The following FAF1 variants were observed in gnomAD, a reference collection of about 807,000 sequenced individuals.
The protein encoded by FAF1 is Fas associated factor 1, also known as FAS-associated factor 1.
FAF1 carries 25 observed loss-of-function variants against 92.5 expected under a neutral mutation model. The ratio of observed to expected loss-of-function variants is 0.27; its 90% CI spans 0.20 to 0.38. The LOEUF (loss-of-function observed/expected upper bound fraction) is 0.38. Among genes scored for constraint, FAF1 ranks in the 10% least tolerant of loss-of-function variants. The pLI is 1.00. For synonymous variants in FAF1, 234 were observed against 273.2 expected (o/e 0.86, Z 1.42); for missense variants, 636 against 793.3 (o/e 0.80, Z 2.38).
At chr1:50,662,665 A>G (rs1290390157) in intron 7 of FAF1, among the ~76,000 whole-genome samples, 1 of 129,352 alleles carries the variant, frequency 7.7e-6, no homozygotes, top group Admixed American at 7.7e-5. Context: ...TCACACATTT[A>G]TTAAAATGAA....
intron 7 of FAF1, among the ~76,000 whole-genome samples, chr1:50,664,393 A>C (rs1655527269): frequency 6.6e-6 from 1 of 151,672 alleles, no homozygotes. Flanking sequence ...ACAATAAATG[A>C]CCTATTGGTC....
intron 2 of FAF1, among the ~76,000 whole-genome samples, chr1:50,819,543 C>T (rs747001484): frequency 4.0e-5 from 6 of 149,798 alleles, no homozygotes; most frequent in Non-Finnish European, 7.4e-5. Flanking sequence ...AGAAGGATCA[C>T]TTGAGCCCAG....
intron 2 of FAF1, among the ~76,000 whole-genome samples, chr1:50,805,418 G>C (rs188898120): frequency 1.3e-5 from 2 of 152,054 alleles, no homozygotes; most frequent in Non-Finnish European, 2.9e-5. Context: ...ACACTAAAAG[G>C]CATGTAAGGT....
chr1:50,729,051 T>C (rs1658797868), intron 6 of FAF1, among the ~76,000 whole-genome samples: 2 of 97,868 alleles, frequency 2.0e-5, no homozygotes. Flanking sequence ...TATATATATA[T>C]ATATATATTT....
intron 8 of FAF1, among the ~76,000 whole-genome samples, chr1:50,640,262 A>G (rs1262559344): frequency 6.6e-6 from 1 of 151,926 alleles, no homozygotes; most frequent in Non-Finnish European, 1.5e-5. Flanking sequence ...TTGGCAATGT[A>G]ATAAGCTGGT....
At chr1:50,736,739 G>A (rs1295814584) in intron 6 of FAF1, among the ~76,000 whole-genome samples, 1 of 150,694 alleles carries the variant, frequency 6.6e-6, no homozygotes, top group East Asian at 1.9e-4. Flanking sequence ...CAACAAGAGC[G>A]AAACTCCGTC....
At chr1:50,456,296 G>C (rs1002702963) in intron 18 of FAF1, among the ~76,000 whole-genome samples, 5 of 152,090 alleles carry the variant, frequency 3.3e-5, no homozygotes, top group African/African-American at 1.2e-4. Flanking sequence ...CAAAATGAGA[G>C]GCTGACAACT....
intron 15 of FAF1, among the ~76,000 whole-genome samples, chr1:50,501,178 A>G (rs1646979512): frequency 6.6e-6 from 1 of 152,228 alleles, no homozygotes; most frequent in African/African-American, 2.4e-5. Context: ...ACACATAAAG[A>G]ACTTTCAAAA....
chr1:50,626,715 A>G (rs956148855), intron 8 of FAF1, among the ~76,000 whole-genome samples: 2 of 152,128 alleles, frequency 1.3e-5, no homozygotes, highest in Non-Finnish European at 2.9e-5. Flanking sequence ...TATCTCTTTT[A>G]AAAAGTGTTA....
intron 18 of FAF1, among the ~76,000 whole-genome samples, chr1:50,451,253 T>C (rs187126683): frequency 2.0e-5 from 3 of 152,324 alleles, no homozygotes; most frequent in Non-Finnish European, 4.4e-5. Flanking sequence ...AAGAGAGGAA[T>C]AGAAATTGTG....
intron 15 of FAF1, among the ~76,000 whole-genome samples, chr1:50,507,477 G>A (rs189863526): frequency 2.0e-4 from 30 of 152,284 alleles, no homozygotes; most frequent in Non-Finnish European, 2.9e-5. Context: ...AGTGGCTCAT[G>A]CCTGTAATCC....
rs553856341 is a variant in FAF1, at chr1:50,438,864, A to G, written c.*2576T>C. The G allele has an allele frequency of 1.3e-5, 2 of 152,388 alleles. No homozygotes were observed. Among genetic ancestry groups the G allele is most frequent in the East Asian group, 3.9e-4 (2 of 5,194 alleles). 9.4% of individuals were successfully genotyped at this position (152,388 alleles called of 1,614,324 possible). A position where few individuals can be genotyped will look rare whatever the true frequency, so the allele number is the denominator to read the frequency against. On this transcript the variant is annotated 3_prime_UTR_variant, in exon 19 of 19. Transcript: ENST00000396153. ...CTTTGATTCTGGATGCTTACAATCC[A>G]GAGATGAACATCTGTGTGTGCTATA...
At chr1:50,508,904 A>G (rs1042517823) in intron 15 of FAF1, among the ~76,000 whole-genome samples, 12 of 152,102 alleles carry the variant, frequency 7.9e-5, no homozygotes, top group Admixed American at 4.6e-4. Context: ...GGGTTTCACC[A>G]TGTTGGCCAA....
intron 1 of FAF1, among the ~76,000 whole-genome samples, chr1:50,861,697 A>G (rs1210611403): frequency 1.3e-5 from 2 of 151,924 alleles, no homozygotes; most frequent in African/African-American, 4.8e-5. Context: ...TCCTAAGTCC[A>G]TAAAAATAAA....
intron 4 of FAF1, among the ~76,000 whole-genome samples, chr1:50,787,531 C>T (rs1661405736): frequency 6.6e-6 from 1 of 152,210 alleles, no homozygotes. Flanking sequence ...CCTCACCAGA[C>T]ATCAAACCTT....
At chr1:50,770,670 A>G (rs1660745057) in intron 4 of FAF1, among the ~76,000 whole-genome samples, 1 of 152,238 alleles carries the variant, frequency 6.6e-6, no homozygotes, top group Admixed American at 6.5e-5. Flanking sequence ...GAAAATGGCC[A>G]TACTGCCCAG....
intron 4 of FAF1, among the ~76,000 whole-genome samples, chr1:50,762,586 G>A (rs1181282186): frequency 6.6e-6 from 1 of 152,146 alleles, no homozygotes; most frequent in African/African-American, 2.4e-5. Context: ...ACAAGCAATG[G>A]AGAAAGGATT....
chr1:50,896,477 C>T (rs757578060), intron 1 of FAF1, among the ~76,000 whole-genome samples: 1 of 151,944 alleles, frequency 6.6e-6, no homozygotes, highest in African/African-American at 2.4e-5. Context: ...ATCCACATTC[C>T]CATGTTCACT....
chr1:50,695,731 C>T (rs1396245992), intron 7 of FAF1, among the ~76,000 whole-genome samples: 2 of 152,140 alleles, frequency 1.3e-5, no homozygotes, highest in Non-Finnish European at 2.9e-5. Context: ...CACTTGCAAC[C>T]TCCGCCTCCT....
Sources: allele counts gnomAD v4.1 joint callset (sites outside exome capture counted in the v4.1 genomes callset), GRCh38; gene constraint gnomAD v4.1.1; transcripts MANE v1.5; gene names NCBI Gene and HGNC (gene_info 2026-07-23, HGNC 2026-07-21).